The following RSPH10B2 variants were observed in gnomAD, a reference collection of about 807,000 sequenced individuals.
RSPH10B2 encodes radial spoke head 10 homolog B2.
Under a neutral mutation model 49.0 loss-of-function variants are expected in RSPH10B2, and 9 were observed. The observed-to-expected ratio is 0.18, with a 90% CI of 0.11 to 0.32. The LOEUF (loss-of-function observed/expected upper bound fraction) is 0.32. Ranked by LOEUF, RSPH10B2 falls within the 10% of genes least tolerant of loss-of-function variation. The pLI is 1.00. For synonymous variants in RSPH10B2, 35 were observed against 210.2 expected (o/e 0.17, Z 7.21); for missense variants, 95 against 589.9 (o/e 0.16, Z 8.69).
rs1248815460 is a variant in RSPH10B2 at position 6,779,872 on chromosome 7, A to G, written c.1529+148A>G. The G allele has an allele frequency of 4.2e-5, 18 of 423,624 alleles. 4 individuals are homozygous for G. Among genetic ancestry groups the G allele is most frequent in the African/African-American group, 7.5e-5 (3 of 40,266 alleles). The allele number at this position is 423,624 out of a possible 1,614,324, so 26.2% of individuals were successfully genotyped here. ...GCCCAGGCTGGAGTGCAGTGGCACA[A>G]TCTTGGCTTACTGCAACCTCTGCCT... On this transcript the variant is annotated intron_variant, in intron 11 of 18. Coordinates refer to ENST00000297186, the Ensembl canonical transcript of RSPH10B2.
intron 17 of RSPH10B2, among the ~76,000 whole-genome samples, chr7:6,795,733 C>A (rs1248243711): frequency 2.0e-5 from 3 of 146,744 alleles, no homozygotes; most frequent in Non-Finnish European, 4.5e-5. Flanking sequence ...TGCACTCCAG[C>A]CTGGATGACA....
At chr7:6,758,594 C>T (rs1781161317) in intron 1 of RSPH10B2, among the ~76,000 whole-genome samples, 1 of 129,804 alleles carries the variant, frequency 7.7e-6, no homozygotes, top group African/African-American at 3.0e-5. Context: ...CCTGTAATCC[C>T]AGCACTTTGG....
rs1424712738 is a variant in RSPH10B2, at chr7:6,792,712, C to T, written c.2233+715C>T. On this transcript the variant is annotated intron_variant, in intron 17 of 18. Coordinates refer to ENST00000297186, the Ensembl canonical transcript of RSPH10B2. ...TCCGCTGTTACTCTGCCGGCCTTGC[C>T]AGTTGCACGTGGCCTTGTTTTCATG... is the stretch of plus-strand genomic sequence containing the variant. Among the ~76,000 whole-genome samples the T allele has an allele frequency of 1.7e-5, 2 of 119,612 alleles. 1 individual carries two copies. The highest frequency in any genetic ancestry group is 3.4e-5 in the Non-Finnish European group (2 of 58,926). 78.5% of individuals were successfully genotyped at this position (119,612 alleles called of 152,430 possible).
intron 7 of RSPH10B2, among the ~76,000 whole-genome samples, chr7:6,769,754 CTTT>C (rs911131827): frequency 6.5e-5 from 5 of 76,644 alleles, no homozygotes; most frequent in African/African-American, 6.0e-5. Flanking sequence ...ACGCCCGGCT[CTTT>C]TTTTTTTTTT....
chr7:6,793,298 C>T lies in RSPH10B2; in HGVS notation c.2233+1301C>T, dbSNP rs1583534546. ...AACTCCCGGGCCCAAGTGATCTTCC[C>T]GCCTTGGCGTCCCAAAGCACTGGGA... On this transcript the variant is annotated intron_variant, in intron 17 of 18. Coordinates refer to ENST00000297186, the Ensembl canonical transcript of RSPH10B2. 4.3e-5 allele frequency among the ~76,000 whole-genome samples: 5 copies of T among 115,684 alleles called. 1 individual carries two copies. The highest frequency in any genetic ancestry group is 1.4e-4 in the African/African-American group (4 of 28,942). The allele number at this position is 115,684 out of a possible 152,430, so 75.9% of individuals were successfully genotyped here. A position where few individuals can be genotyped will look rare whatever the true frequency, so the allele number is the denominator to read the frequency against.
Position 6,786,060 on chromosome 7 carries a change from T to TG in RSPH10B2, c.1866+5dup. 1.1e-6 allele frequency: 1 copy of TG among 885,134 alleles called. No individual in the cohort carries two copies. The highest frequency in any genetic ancestry group is 1.8e-6 in the Non-Finnish European group (1 of 547,368). 54.8% of individuals were successfully genotyped at this position (885,134 alleles called of 1,614,324 possible). On this transcript the variant is annotated splice_donor_region_variant and intron_variant, in intron 14 of 18. Coordinates refer to ENST00000297186, the Ensembl canonical transcript of RSPH10B2. ...TGACAGCAACTTTGAACCTGAGGTT[T>TG]GTAAAGAGCCATCACAAATGGTACA...
At chr7:6,763,146 A>G (rs1456333370) in intron 3 of RSPH10B2, among the ~76,000 whole-genome samples, 1 of 23,832 alleles carries the variant, frequency 4.2e-5, no homozygotes, top group African/African-American at 2.1e-4. Context: ...CACAAAAACT[A>G]GGCATGATGG....
In RSPH10B2 at chr7:6,795,610, A is replaced by G. The variant is rs1353939364; in HGVS notation, c.2234-958A>G. On this transcript the variant is annotated intron_variant, in intron 17 of 18. Transcript: ENST00000297186. Reference sequence around the variant, plus strand: ...CATAGCGAAACCTTGTCTCTATAATAATTAGCTGGGTGTGGTGGCACCCGC... The same window carrying G: ...CATAGCGAAACCTTGTCTCTATAATGATTAGCTGGGTGTGGTGGCACCCGC... Among the ~76,000 whole-genome samples the G allele has an allele frequency of 1.8e-4, 23 of 128,384 alleles. No homozygotes were observed. The South Asian group carries it at 2.1e-3, about 12-fold the overall frequency. 84.2% of individuals were successfully genotyped at this position (128,384 alleles called of 152,430 possible). A position where few individuals can be genotyped will look rare whatever the true frequency, so the allele number is the denominator to read the frequency against.
upstream of RSPH10B2, among the ~76,000 whole-genome samples, chr7:6,756,271 A>AAAAT (rs202239780): frequency 0.13 from 15,557 of 117,942 alleles, 131 homozygotes; most frequent in East Asian, 0.39. Context: ...CTCCGTCTCA[A>AAAAT]AAATAAATAA....
intron 1 of RSPH10B2, among the ~76,000 whole-genome samples, 180 bp from the exon 4 acceptor site, chr7:6,758,904 C>G (rs1386938240): frequency 7.2e-6 from 1 of 138,878 alleles, no homozygotes; most frequent in Non-Finnish European, 1.6e-5. Context: ...CATTCCTCAC[C>G]CTACTTTCAA....
At chr7:6,786,432 G>C (rs1782183074) in intron 14 of RSPH10B2, among the ~76,000 whole-genome samples, 1 of 114,616 alleles carries the variant, frequency 8.7e-6, no homozygotes, top group African/African-American at 3.7e-5. Context: ...CTGACCTCGT[G>C]ATCCACCTGC....
Position 6,798,324 on chromosome 7 carries a change from GGATAAAA to G in RSPH10B2, c.2433-38_2433-32del, listed in dbSNP as rs1782689052. 2 of 1,160,552 alleles carry G rather than the reference GGATAAAA, an allele frequency of 1.7e-6. 1 individual carries two copies. The highest frequency in any genetic ancestry group is 2.2e-6 in the Non-Finnish European group (2 of 910,282). 71.9% of individuals were successfully genotyped at this position (1,160,552 alleles called of 1,614,324 possible). A position where few individuals can be genotyped will look rare whatever the true frequency, so the allele number is the denominator to read the frequency against. On this transcript the variant is annotated intron_variant, in intron 18 of 18. Coordinates refer to ENST00000297186, the Ensembl canonical transcript of RSPH10B2. The stretch of plus-strand genomic sequence containing the variant: ...AAAACTGGTTTTGCAGTTTGGAGGG[GGATAAAA>G]AAAGCTACCACCTTCTCATGTTTGC...
chr7:6,767,961 G>C (rs1440934429), intron 6 of RSPH10B2, among the ~76,000 whole-genome samples: 26 of 143,096 alleles, frequency 1.8e-4, no homozygotes, highest in Middle Eastern at 7.0e-3. Context: ...CACTTTGGGA[G>C]ACCACCTGAG....
At chr7:6,772,025 GAA>G (rs201152080) in intron 8 of RSPH10B2, among the ~76,000 whole-genome samples, 1 of 134,302 alleles carries the variant, frequency 7.4e-6, no homozygotes, top group Admixed American at 7.7e-5. Context: ...AAATAAAATG[GAA>G]AAAAAAAAAG....
At chr7:6,781,871 T>A (rs181495003) in intron 13 of RSPH10B2, among the ~76,000 whole-genome samples, 4,190 of 105,616 alleles carry the variant, frequency 0.04, 867 homozygotes, top group African/African-American at 0.14. Context: ...TCTTAAAAAA[T>A]ATATATATAT....
chr7:6,796,352 G>A (rs1782563519), intron 17 of RSPH10B2, among the ~76,000 whole-genome samples: 1 of 124,422 alleles, frequency 8.0e-6, no homozygotes, highest in African/African-American at 2.9e-5. Context: ...CGAGGTAGCA[G>A]GAAACTCAAA....
intron 18 of RSPH10B2, among the ~76,000 whole-genome samples, chr7:6,797,515 A>C (rs1475567409): frequency 1.3e-5 from 2 of 152,198 alleles, no homozygotes; most frequent in African/African-American, 2.4e-5. Flanking sequence ...GATTGAGTTC[A>C]ATAACTAATA....
chr7:6,767,073 T>C (rs1210502820), intron 6 of RSPH10B2, among the ~76,000 whole-genome samples, 196 bp downstream of exon 8: 7 of 66,618 alleles, frequency 1.1e-4, no homozygotes, highest in Non-Finnish European at 1.6e-4. Context: ...CAAGCAATTC[T>C]CCTGCCTCAG....
At chr7:6,752,499 CTG>C (rs1264278852), upstream of RSPH10B2, among the ~76,000 whole-genome samples, 2 of 133,014 alleles carry the variant, frequency 1.5e-5, no homozygotes, top group Non-Finnish European at 3.2e-5. Flanking sequence ...CTTCTCCAGA[CTG>C]TGGGCGGCTC....
Sources: gnomAD v4.1 joint callset for allele counts (sites outside exome capture counted in the v4.1 genomes callset) on GRCh38, gnomAD v4.1.1 for gene constraint, MANE v1.5 for transcripts, NCBI Gene and HGNC (gene_info 2026-07-23, HGNC 2026-07-21) for gene names.